Variants in AKAP13 observed in about 807,000 individuals in gnomAD.
AKAP13 encodes the protein A-kinase anchoring protein 13.
In AKAP13, 80 loss-of-function variants were observed where a neutral mutation model predicts 264.5. The ratio of observed to expected loss-of-function variants is 0.30; its 90% CI spans 0.25 to 0.36. The LOEUF (loss-of-function observed/expected upper bound fraction) is 0.36. Ranked by LOEUF, AKAP13 falls within the 10% of genes least tolerant of loss-of-function variation. The pLI is 1.00. For missense variants in AKAP13, 3,712 were observed against 3,435.2 expected, an observed-to-expected ratio of 1.08 and a Z score of -2.01; for synonymous variants, 1,380 against 1,250.2, an observed-to-expected ratio of 1.10 and a Z score of -2.19.
chr15:85,675,914 A>G (rs1597016288), intron 14 of AKAP13, among the ~76,000 whole-genome samples: 1 of 147,566 alleles, frequency 6.8e-6, no homozygotes, highest in Non-Finnish European at 1.5e-5. Context: ...GGATCAGTAG[A>G]AGGCTTTTTT....
intron 5 of AKAP13, among the ~76,000 whole-genome samples, chr15:85,558,767 T>C (rs909680579): frequency 2.6e-5 from 4 of 152,180 alleles, no homozygotes; most frequent in African/African-American, 9.6e-5. Context: ...TCTTCAGAAA[T>C]AAAACTGGAA....
intron 14 of AKAP13, among the ~76,000 whole-genome samples, chr15:85,672,054 A>G (rs957256718): frequency 2.6e-5 from 4 of 152,200 alleles, no homozygotes; most frequent in Non-Finnish European, 4.4e-5. Context: ...GCTATTCTAG[A>G]GGTTCTGACA....
chr15:85,642,781 G>A (rs760268859), intron 9 of AKAP13, among the ~76,000 whole-genome samples: 7 of 152,122 alleles, frequency 4.6e-5, no homozygotes, highest in African/African-American at 7.2e-5. Context: ...TTTTCCATTC[G>A]AATATCGTGA....
chr15:85,575,607 G>A (rs907946093), intron 6 of AKAP13, among the ~76,000 whole-genome samples: 1 of 151,914 alleles, frequency 6.6e-6, no homozygotes. Context: ...CAGGAGAATG[G>A]CGTGAACCCA....
At position 85,645,775 on chromosome 15, in the gene AKAP13, G is replaced by T. The variant is rs28439728; in HGVS notation, c.4238-43G>T. 2.8e-3 allele frequency: 3,816 copies of T among 1,370,726 alleles called. 14 individuals carry two copies. The highest frequency in any genetic ancestry group is 4.3e-3 in the Admixed American group (167 of 39,156). 84.9% of individuals were successfully genotyped at this position (1,370,726 alleles called of 1,614,324 possible). ...GTTCTTTTTGTTTTTTGGTTTTTTT[G>T]TTTTTTTTTTTTCAATATTGGTGAA... On this transcript the variant is annotated intron_variant, in intron 9 of 36. Coordinates refer to ENST00000394518, the MANE Select transcript of AKAP13 (RefSeq NM_007200.5).
At chr15:85,661,613 C>T (rs1318243573) in intron 12 of AKAP13, among the ~76,000 whole-genome samples, 2 of 151,840 alleles carry the variant, frequency 1.3e-5, no homozygotes, top group African/African-American at 2.4e-5. Context: ...CCCAGCTACT[C>T]GGGAGGCTGA....
intron 5 of AKAP13, among the ~76,000 whole-genome samples, chr15:85,559,580 A>G (rs1230563369): frequency 6.6e-6 from 1 of 152,214 alleles, no homozygotes; most frequent in Non-Finnish European, 1.5e-5. Flanking sequence ...AAACAGTCCC[A>G]TCAGGGGGTG....
chr15:85,617,536 A>G (rs2080997116), intron 8 of AKAP13, among the ~76,000 whole-genome samples: 2 of 152,154 alleles, frequency 1.3e-5, no homozygotes, highest in African/African-American at 4.8e-5. Context: ...CACCGCGCCC[A>G]GCCGGTAGGA....
intron 3 of AKAP13, among the ~76,000 whole-genome samples, chr15:85,529,249 ATC>A (rs1567107891): frequency 2.6e-5 from 4 of 152,080 alleles, no homozygotes; most frequent in Non-Finnish European, 5.9e-5. Flanking sequence ...ATGAAACCCC[ATC>A]TCTACAAGAA....
intron 17 of AKAP13, among the ~76,000 whole-genome samples, chr15:85,704,429 C>T (rs1185720970): frequency 1.3e-5 from 2 of 151,832 alleles, no homozygotes; most frequent in East Asian, 3.9e-4. Flanking sequence ...AACCATTCGC[C>T]AAAGATCTGT....
intron 1 of AKAP13, among the ~76,000 whole-genome samples, chr15:85,474,057 G>A (rs575217201): frequency 2.0e-5 from 3 of 152,300 alleles, no homozygotes; most frequent in Non-Finnish European, 4.4e-5. Context: ...AAGTCTCTGT[G>A]ATATCAGTTC....
rs940043102 is a variant in AKAP13, at chr15:85,747,801, T to C, written c.*3124T>C. 5.1e-4 allele frequency: 78 copies of C among 152,918 alleles called. 1 individual carries two copies. In the Admixed American group the frequency reaches 5.1e-3, roughly 10 times the overall value. 9.5% of individuals were successfully genotyped at this position (152,918 alleles called of 1,614,324 possible). On this transcript the variant is annotated 3_prime_UTR_variant, in exon 37 of 37. Transcript: ENST00000394518. ...GGGGAAGAATCCTTACCAAGGTTTT[T>C]TTGGAAAGGTACGAATCTTAACTTT...
At chr15:85,614,047 A>G (rs2080829476) in intron 8 of AKAP13, among the ~76,000 whole-genome samples, 1 of 152,188 alleles carries the variant, frequency 6.6e-6, no homozygotes, top group Admixed American at 6.5e-5. Flanking sequence ...TTATTTCACA[A>G]TAAACTTATT....
At chr15:85,434,140 G>A (rs1222610946) in intron 1 of AKAP13, among the ~76,000 whole-genome samples, 4 of 152,020 alleles carry the variant, frequency 2.6e-5, no homozygotes, top group Non-Finnish European at 4.4e-5. Flanking sequence ...GAAGCAGGGC[G>A]AGGCATTGCC....
chr15:85,482,266 C>G (rs538179883), intron 1 of AKAP13, among the ~76,000 whole-genome samples: 2 of 152,270 alleles, frequency 1.3e-5, no homozygotes, highest in South Asian at 2.1e-4. Flanking sequence ...GAGGCCTTCC[C>G]TCAGCACCAT....
In AKAP13 at chr15:85,740,786, C is replaced by A. The variant is rs1393217263; in HGVS notation, c.7609-260C>A. ...ACACACACACAACCACCCCCCCCCCCACCCCAGGTAATACCACTGACTGCA... is the reference window on the plus strand; with the variant it reads ...ACACACACACAACCACCCCCCCCCCAACCCCAGGTAATACCACTGACTGCA... On this transcript the variant is annotated intron_variant, in intron 34 of 36. Coordinates refer to ENST00000394518, the MANE Select transcript of AKAP13 (RefSeq NM_007200.5). Among the ~76,000 whole-genome samples the A allele has an allele frequency of 1.6e-4, 19 of 115,816 alleles. 1 individual carries two copies. The highest frequency in any genetic ancestry group is 4.3e-4 in the African/African-American group (14 of 32,228). 76.0% of individuals were successfully genotyped at this position (115,816 alleles called of 152,430 possible). A position where few individuals can be genotyped will look rare whatever the true frequency, so the allele number is the denominator to read the frequency against.
intron 10 of AKAP13, among the ~76,000 whole-genome samples, chr15:85,650,283 T>A: frequency 6.6e-6 from 1 of 151,192 alleles, no homozygotes; most frequent in Non-Finnish European, 1.5e-5. Context: ...ATTTAAAAAT[T>A]AGCCAGGCAT....
At chr15:85,413,311 C>CT (rs1944346808) in intron 1 of AKAP13, among the ~76,000 whole-genome samples, 1 of 152,140 alleles carries the variant, frequency 6.6e-6, no homozygotes, top group Non-Finnish European at 1.5e-5. Context: ...AGACTGTGGG[C>CT]TTAGTTTCTT....
At chr15:85,533,939 T>G in intron 4 of AKAP13, 59 bp downstream of exon 4, 4 of 1,480,996 alleles carry the variant, frequency 2.7e-6, no homozygotes, top group Non-Finnish European at 3.6e-6. Flanking sequence ...TACTTTTTTT[T>G]TAATGGGGCT....
Sources: allele counts gnomAD v4.1 joint callset (sites outside exome capture counted in the v4.1 genomes callset), GRCh38; gene constraint gnomAD v4.1.1; transcripts MANE v1.5; gene names NCBI Gene and HGNC (gene_info 2026-07-23, HGNC 2026-07-21).